The following ADAMTSL1 variants were observed in gnomAD, a reference collection of about 807,000 sequenced individuals.
The protein encoded by ADAMTSL1 is ADAMTS like 1, also known as ADAMTS-like protein 1.
In ADAMTSL1, 126 loss-of-function variants were observed where a neutral mutation model predicts 201.8. The observed-to-expected ratio is 0.62, with a 90% CI of 0.54 to 0.72. ADAMTSL1 has a LOEUF of 0.72. Ranked by LOEUF, ADAMTSL1 falls within the 30% of genes least tolerant of loss-of-function variation. ADAMTSL1 has a pLI of 0.00. For synonymous variants in ADAMTSL1, 1,121 were observed against 903.4 expected (o/e 1.24, Z -4.32); for missense variants, 2,679 against 2,277.8 (o/e 1.18, Z -3.59).
chr9:18,674,994 G>A (rs1048430871), intron 9 of ADAMTSL1, among the ~76,000 whole-genome samples: 1 of 126,500 alleles, frequency 7.9e-6, no homozygotes, highest in Non-Finnish European at 1.8e-5. Context: ...AGTGAAGTAG[G>A]TCAGAGTAGT....
intron 1 of ADAMTSL1, among the ~76,000 whole-genome samples, chr9:18,121,910 C>A (rs548656684): frequency 6.6e-6 from 1 of 152,104 alleles, no homozygotes; most frequent in Non-Finnish European, 1.5e-5. Flanking sequence ...TCCCTTGTAC[C>A]AATTTCCCAT....
rs189188198 is a variant in ADAMTSL1 at position 18,797,912 on chromosome 9, C to G, written c.3805+2388C>G. ...ATTCTAAAATGTGCAAACCATTATC[C>G]CAACTCTGCTTCCATGTATCTTTCA... On this transcript the variant is annotated intron_variant, in intron 20 of 28. Transcript: ENST00000380548. 1.3e-3 allele frequency among the ~76,000 whole-genome samples: 202 copies of G among 152,166 alleles called. 2 individuals carry two copies. The highest frequency in any genetic ancestry group is 4.7e-3 in the African/African-American group (196 of 41,502).
chr9:17,914,590 C>G (rs1425317510), intron 1 of ADAMTSL1, among the ~76,000 whole-genome samples: 1 of 150,836 alleles, frequency 6.6e-6, no homozygotes, highest in African/African-American at 2.4e-5. Context: ...AAACTGGAAG[C>G]ATTCCCTTTG....
At chr9:18,026,354 G>A (rs765010340) in intron 1 of ADAMTSL1, among the ~76,000 whole-genome samples, 7 of 151,926 alleles carry the variant, frequency 4.6e-5, no homozygotes, top group East Asian at 1.9e-4. Flanking sequence ...TGTCATAGAC[G>A]GCTCATATTA....
At chr9:18,505,405 A>C (rs1201444336) in intron 2 of ADAMTSL1, among the ~76,000 whole-genome samples, 1 of 152,242 alleles carries the variant, frequency 6.6e-6, no homozygotes. Flanking sequence ...ATGTCCTAAT[A>C]GCCAGAAGTT....
At chr9:18,576,398 T>C (rs1255108404) in intron 4 of ADAMTSL1, among the ~76,000 whole-genome samples, 1 of 152,188 alleles carries the variant, frequency 6.6e-6, no homozygotes, top group African/African-American at 2.4e-5. Flanking sequence ...TGGTAAACCA[T>C]GGATGACCAT....
intron 14 of ADAMTSL1, among the ~76,000 whole-genome samples, chr9:18,707,572 C>T (rs1378856408): frequency 1.3e-5 from 2 of 152,182 alleles, no homozygotes; most frequent in Non-Finnish European, 2.9e-5. Flanking sequence ...TCTGACCCCA[C>T]CCCCATCTTA....
chr9:18,291,074 C>A (rs79971947), intron 2 of ADAMTSL1, among the ~76,000 whole-genome samples: 9,219 of 152,164 alleles, frequency 0.061, 928 homozygotes, highest in African/African-American at 0.21. Flanking sequence ...AGCCACCGCA[C>A]CCGGGCCACT....
At chr9:18,723,325 G>C in intron 15 of ADAMTSL1, 1 of 541,086 alleles carries the variant, frequency 1.8e-6, no homozygotes, top group Non-Finnish European at 3.3e-6. Flanking sequence ...ACATGCAAAA[G>C]GGTCTTTCTA....
chr9:17,955,664 T>C (rs1269805001), intron 1 of ADAMTSL1, among the ~76,000 whole-genome samples: 5 of 152,232 alleles, frequency 3.3e-5, no homozygotes, highest in Non-Finnish European at 7.3e-5. Flanking sequence ...ATCCACACTG[T>C]AGATGTTATC....
At chr9:18,522,011 G>A (rs1818726903) in intron 2 of ADAMTSL1, among the ~76,000 whole-genome samples, 1 of 152,166 alleles carries the variant, frequency 6.6e-6, no homozygotes, top group South Asian at 2.1e-4. Context: ...AAGACAGTGA[G>A]CATCTGAGAA....
At chr9:18,279,725 T>C (rs1220921259) in intron 2 of ADAMTSL1, among the ~76,000 whole-genome samples, 1 of 152,166 alleles carries the variant, frequency 6.6e-6, no homozygotes, top group Non-Finnish European at 1.5e-5. Context: ...CAGATTTTTT[T>C]TCTTTAACCA....
intron 1 of ADAMTSL1, among the ~76,000 whole-genome samples, chr9:18,139,384 A>C (rs968096945): frequency 2.0e-5 from 3 of 152,152 alleles, no homozygotes; most frequent in Non-Finnish European, 2.9e-5. Context: ...ATTTAACAGC[A>C]ACAAGAGTGT....
intron 3 of ADAMTSL1, among the ~76,000 whole-genome samples, chr9:18,553,035 T>C (rs1257302074): frequency 1.3e-5 from 2 of 151,620 alleles, no homozygotes; most frequent in Admixed American, 1.3e-4. Flanking sequence ...GGATATTTAA[T>C]GTAAACATTT....
chr9:18,249,231 A>T (rs1367300059), intron 2 of ADAMTSL1, among the ~76,000 whole-genome samples: 1 of 152,194 alleles, frequency 6.6e-6, no homozygotes, highest in Admixed American at 6.5e-5. Flanking sequence ...TATAGGTAGG[A>T]TATTATAAAA....
At chr9:17,909,075 T>C (rs1048560806) in intron 1 of ADAMTSL1, among the ~76,000 whole-genome samples, 1 of 149,562 alleles carries the variant, frequency 6.7e-6, no homozygotes, top group Admixed American at 6.7e-5. Context: ...TGGCCAGTGA[T>C]GGTGAGCATT....
chr9:18,751,331 A>G (rs1395574381), intron 15 of ADAMTSL1, among the ~76,000 whole-genome samples: 2 of 152,214 alleles, frequency 1.3e-5, no homozygotes, highest in Non-Finnish European at 2.9e-5. Flanking sequence ...TGGAGACAGC[A>G]TGGTACAATA....
At chr9:18,158,987 C>A (rs1000805473) in intron 1 of ADAMTSL1, among the ~76,000 whole-genome samples, 2 of 151,980 alleles carry the variant, frequency 1.3e-5, no homozygotes, top group Non-Finnish European at 2.9e-5. Context: ...ATAAATGTTT[C>A]TATTCAGCTA....
At chr9:18,457,916 G>A (rs899508175) in intron 2 of ADAMTSL1, among the ~76,000 whole-genome samples, 24 of 152,214 alleles carry the variant, frequency 1.6e-4, no homozygotes, top group Admixed American at 1.5e-3. Flanking sequence ...GTTAGGCATA[G>A]CTGACATCCA....
Sources: allele counts gnomAD v4.1 joint callset (sites outside exome capture counted in the v4.1 genomes callset), GRCh38; gene constraint gnomAD v4.1.1; transcripts MANE v1.5; gene names NCBI Gene and HGNC (gene_info 2026-07-23, HGNC 2026-07-21).